The following FAM168A variants were observed in gnomAD, a reference collection of about 807,000 sequenced individuals.
FAM168A encodes protein FAM168A.
A neutral mutation model predicts 28.5 loss-of-function variants in FAM168A; 3 were observed. The ratio of observed to expected loss-of-function variants is 0.11; its 90% CI spans 0.05 to 0.27. The LOEUF is 0.27. Among genes scored for constraint, FAM168A ranks in the 10% least tolerant of loss-of-function variants. The pLI is 1.00. For missense variants in FAM168A, 222 were observed against 311.5 expected, an observed-to-expected ratio of 0.71 and a Z score of 2.16; for synonymous variants, 122 against 124.2, an observed-to-expected ratio of 0.98 and a Z score of 0.12.
Position 73,518,460 on chromosome 11 carries a change from C to T in FAM168A, c.-18-49968G>A, listed in dbSNP as rs552210249. 6.6e-5 allele frequency among the ~76,000 whole-genome samples: 10 copies of T among 150,816 alleles called. No homozygotes were observed. In the East Asian group the frequency reaches 1.8e-3, roughly 26 times the overall value. On this transcript the variant is annotated intron_variant, in intron 1 of 7. Transcript: ENST00000356467. The stretch of plus-strand genomic sequence containing the variant: ...ATATTTTTTAAAAAGAAATCTGATC[C>T]CCAGTGTTGGAGGTGGGGCCTAGTG...
chr11:73,469,807 T>C (rs1178155262), intron 1 of FAM168A, among the ~76,000 whole-genome samples: 1 of 152,210 alleles, frequency 6.6e-6, no homozygotes, highest in Non-Finnish European at 1.5e-5. Flanking sequence ...GCCAGAGTTA[T>C]CTAAAAATAT....
intron 2 of FAM168A, among the ~76,000 whole-genome samples, chr11:73,451,823 G>A (rs1341010878): frequency 6.6e-6 from 1 of 152,218 alleles, no homozygotes; most frequent in African/African-American, 2.4e-5. Flanking sequence ...TTCTCAAAAT[G>A]TATCCCCCTT....
At chr11:73,408,958 A>G (rs1866558325) in intron 6 of FAM168A, among the ~76,000 whole-genome samples, 1 of 151,774 alleles carries the variant, frequency 6.6e-6, no homozygotes, top group African/African-American at 2.4e-5. Context: ...TCTCTCCCCT[A>G]AAGTACACTG....
chr11:73,555,621 T>C (rs1297137560), intron 1 of FAM168A, among the ~76,000 whole-genome samples: 1 of 151,386 alleles, frequency 6.6e-6, no homozygotes, highest in Non-Finnish European at 1.5e-5. Context: ...GGCAGAAGAA[T>C]TGCTTGAACC....
intron 1 of FAM168A, among the ~76,000 whole-genome samples, chr11:73,556,521 G>T (rs1943891844): frequency 6.6e-6 from 1 of 151,886 alleles, no homozygotes; most frequent in African/African-American, 2.4e-5. Flanking sequence ...GATCGAATGG[G>T]GATTGTCAGG....
chr11:73,407,369 G>A, intron 7 of FAM168A, 144 bp downstream of exon 7: 1 of 526,478 alleles, frequency 1.9e-6, no homozygotes, highest in Non-Finnish European at 3.3e-6. Context: ...GTGATATTAT[G>A]GACCTTGGAG....
chr11:73,558,286 A>T (rs1943913244), intron 1 of FAM168A, among the ~76,000 whole-genome samples: 1 of 152,100 alleles, frequency 6.6e-6, no homozygotes, highest in Admixed American at 6.6e-5. Context: ...AAATAGCAAG[A>T]CACTGCCTCT....
intron 1 of FAM168A, among the ~76,000 whole-genome samples, chr11:73,527,542 C>A (rs929645565): frequency 3.4e-4 from 51 of 152,146 alleles, no homozygotes; most frequent in Admixed American, 3.1e-3. Flanking sequence ...GAGGAATTAT[C>A]ACATCCATTT....
chr11:73,583,830 G>A (rs1944277384), intron 1 of FAM168A, among the ~76,000 whole-genome samples: 1 of 152,208 alleles, frequency 6.6e-6, no homozygotes, highest in Non-Finnish European at 1.5e-5. Context: ...TGGTGAAGAA[G>A]TTGGGGAGAG....
rs188407508 is a variant in FAM168A at position 73,482,817 on chromosome 11, C to A, written c.-18-14325G>T. 5.0e-4 allele frequency among the ~76,000 whole-genome samples: 76 copies of A among 152,272 alleles called. 1 individual carries two copies. The highest frequency in any genetic ancestry group is 1.5e-3 in the Admixed American group (23 of 15,304). On this transcript the variant is annotated intron_variant, in intron 1 of 7. Coordinates refer to ENST00000356467, the MANE Select transcript of FAM168A (RefSeq NM_015159.3). ...GCAATGGCGCAATTTCAGCTCACTG[C>A]AACCTCCACCTCCTGGGTTCAAGCG...
chr11:73,587,165 A>AC (rs1390805212), intron 1 of FAM168A, among the ~76,000 whole-genome samples: 8 of 149,534 alleles, frequency 5.3e-5, no homozygotes, highest in African/African-American at 2.0e-4. Flanking sequence ...AAAAAAAAAA[A>AC]AAAAAAAAAA....
At chr11:73,510,005 A>G (rs1417930981) in intron 1 of FAM168A, among the ~76,000 whole-genome samples, 1 of 152,100 alleles carries the variant, frequency 6.6e-6, no homozygotes, top group African/African-American at 2.4e-5. Context: ...TGCTCTGGCC[A>G]TATTAGTCTA....
At position 73,457,723 on chromosome 11, in the gene FAM168A, C is replaced by CAA. The variant is rs58142151; in HGVS notation, c.70+10680_70+10681dup. On this transcript the variant is annotated intron_variant, in intron 2 of 7. Transcript: ENST00000356467. ...TGCTACGGTACTCTAGCCTGGGTGA[C>CAA]AAAAAAAAAAAAAAAAAAAAAAAAA... Among the ~76,000 whole-genome samples the CAA allele has an allele frequency of 3.7e-3, 139 of 37,532 alleles. 15 individuals carry two copies. The highest frequency in any genetic ancestry group is 5.7e-3 in the Non-Finnish European group (73 of 12,866). The allele number at this position is 37,532 out of a possible 152,430, so 24.6% of individuals were successfully genotyped here. A position where few individuals can be genotyped will look rare whatever the true frequency, so the allele number is the denominator to read the frequency against.
At chr11:73,440,362 C>G (rs571215872) in intron 2 of FAM168A, among the ~76,000 whole-genome samples, 3 of 152,312 alleles carry the variant, frequency 2.0e-5, no homozygotes, top group Non-Finnish European at 2.9e-5. Flanking sequence ...TAAAATAAAA[C>G]AGGCTGGTCG....
chr11:73,525,904 C>G (rs1024722178), intron 1 of FAM168A, among the ~76,000 whole-genome samples: 1 of 151,968 alleles, frequency 6.6e-6, no homozygotes, highest in Non-Finnish European at 1.5e-5. Context: ...AATTGCAAGC[C>G]CCCTCATGAA....
chr11:73,497,450 C>G (rs1025840551), intron 1 of FAM168A, among the ~76,000 whole-genome samples: 6 of 151,190 alleles, frequency 4.0e-5, no homozygotes, highest in Non-Finnish European at 8.8e-5. Context: ...TCCATACCCC[C>G]CCTCAAAAAA....
intron 1 of FAM168A, among the ~76,000 whole-genome samples, chr11:73,572,900 T>C (rs985390475): frequency 6.6e-6 from 1 of 151,442 alleles, no homozygotes; most frequent in Non-Finnish European, 1.5e-5. Flanking sequence ...AAATAATTAA[T>C]TAAACACACT....
chr11:73,587,351 G>A (rs1443877770), intron 1 of FAM168A, among the ~76,000 whole-genome samples: 3 of 152,036 alleles, frequency 2.0e-5, no homozygotes, highest in Non-Finnish European at 4.4e-5. Flanking sequence ...AATTAGCCGG[G>A]CATGGTTTCG....
intron 2 of FAM168A, among the ~76,000 whole-genome samples, chr11:73,462,153 AT>A (rs1867658084): frequency 6.6e-6 from 1 of 152,242 alleles, no homozygotes; most frequent in Non-Finnish European, 1.5e-5. Flanking sequence ...TCTTCAAGAG[AT>A]ATTTGTACAT....
Sources: allele counts gnomAD v4.1 joint callset (sites outside exome capture counted in the v4.1 genomes callset), GRCh38; gene constraint gnomAD v4.1.1; transcripts MANE v1.5; gene names NCBI Gene and HGNC (gene_info 2026-07-23, HGNC 2026-07-21).